Variants in SPTLC2 observed in about 807,000 individuals in gnomAD.
SPTLC2 encodes serine palmitoyltransferase 2.
SPTLC2 carries 21 observed loss-of-function variants against 62.0 expected under a neutral mutation model. The observed-to-expected ratio is 0.34, with a 90% CI of 0.24 to 0.49. The LOEUF is 0.49. Ranked by LOEUF, SPTLC2 falls within the 20% of genes least tolerant of loss-of-function variation. SPTLC2 has a pLI of 0.99. For synonymous variants in SPTLC2, 261 were observed against 261.8 expected (o/e 1.00, Z 0.03); for missense variants, 511 against 713.0 (o/e 0.72, Z 3.23).
chr14:77,514,429 G>A (rs924253437), intron 11 of SPTLC2, among the ~76,000 whole-genome samples: 4 of 152,090 alleles, frequency 2.6e-5, no homozygotes, highest in African/African-American at 4.8e-5. Flanking sequence ...TCTTGTGTGG[G>A]GTATTTGGGT....
chr14:77,512,959 A>T (rs1318402017), intron 11 of SPTLC2, among the ~76,000 whole-genome samples: 1 of 134,728 alleles, frequency 7.4e-6, no homozygotes, highest in African/African-American at 2.8e-5. Flanking sequence ...CAAGTGATCC[A>T]CCACCTTGGC....
chr14:77,562,376 G>C lies in SPTLC2; in HGVS notation c.850+20C>G, dbSNP rs1320567473. On this transcript the variant is annotated intron_variant, in intron 6 of 11. Coordinates refer to ENST00000216484, the MANE Select transcript of SPTLC2 (RefSeq NM_004863.4). Reference sequence around the variant, plus strand: ...GAATAGCAAAACCAAGGCCAGCAGTGAATTCTTCAGCAAACTCACTGTTGT... The same window carrying C: ...GAATAGCAAAACCAAGGCCAGCAGTCAATTCTTCAGCAAACTCACTGTTGT... 4 of 1,610,658 alleles carry C rather than the reference G, an allele frequency of 2.5e-6. No homozygotes were observed. The African/African-American group carries it at 4.0e-5, about 16-fold the overall frequency.
Position 77,579,056 on chromosome 14 carries a change from G to A in SPTLC2, c.381C>T (p.Tyr127=). The change falls in exon 3 of 12, where the codon TAC becomes TAT. Residue 127 remains tyrosine (Y), a synonymous_variant. Transcript: ENST00000216484. ...GATTCCAGTTGTCTCTTATCCTCAT[G>A]TACAGATTCCTTGTATAAAAGTTTT... The part of the protein sequence containing the change: ...DFENFYTRNL[Y]MRIRDNWNRP... 6.2e-7 allele frequency: 1 copy of A among 1,614,078 alleles called. No homozygotes were observed.
chr14:77,610,917 A>ATT (rs200145456), intron 1 of SPTLC2, among the ~76,000 whole-genome samples: 52 of 138,148 alleles, frequency 3.8e-4, no homozygotes, highest in East Asian at 6.5e-4. Context: ...ATATATATAT[A>ATT]TTTTTATTTA....
At position 77,562,486 on chromosome 14, in the gene SPTLC2, A is replaced by C. The variant is rs767182140; in HGVS notation, c.760T>G (p.Cys254Gly). Reference sequence around the variant, plus strand: ...TTCAGTTCATCACTCAGAATCAGGCAACCCTGCAACATCACAGGAACAGAA... The same window carrying C: ...TTCAGTTCATCACTCAGAATCAGGCCACCCTGCAACATCACAGGAACAGAA... Reference protein sequence around the residue: ...MNIPALVGKGCLILSDELNHA... With the variant: ...MNIPALVGKGGLILSDELNHA... Residue 254 changes from cysteine (C) to glycine (G), a missense_variant, in exon 6 of 12, where the codon TGC becomes GGC. Physicochemically the swap from Cys to Gly is radical, Grantham distance 159 (BLOSUM62 -3). Coordinates refer to ENST00000216484, the MANE Select transcript of SPTLC2 (RefSeq NM_004863.4). 1.2e-6 allele frequency: 2 copies of C among 1,613,902 alleles called. No individual in the cohort carries two copies. The highest frequency in any genetic ancestry group is 2.2e-5 in the South Asian group (2 of 91,072).
chr14:77,528,501 G>T (rs1386757468), intron 9 of SPTLC2, among the ~76,000 whole-genome samples: 1 of 152,138 alleles, frequency 6.6e-6, no homozygotes, highest in African/African-American at 2.4e-5. Flanking sequence ...AAAGTGCTGG[G>T]ATTACAGGCA....
At chr14:77,567,550 C>T (rs2079652276) in intron 5 of SPTLC2, among the ~76,000 whole-genome samples, 2 of 152,208 alleles carry the variant, frequency 1.3e-5, no homozygotes, top group Non-Finnish European at 2.9e-5. Context: ...TCTTAATACT[C>T]CCTTATTATC....
At chr14:77,526,416 G>A (rs1161405096) in intron 9 of SPTLC2, among the ~76,000 whole-genome samples, 1 of 152,166 alleles carries the variant, frequency 6.6e-6, no homozygotes, top group Non-Finnish European at 1.5e-5. Context: ...GAAATATAAA[G>A]AGGTCAGAAT....
intron 1 of SPTLC2, among the ~76,000 whole-genome samples, chr14:77,607,296 TG>T (rs140938336): frequency 0.052 from 7,928 of 152,288 alleles, 220 homozygotes; most frequent in Middle Eastern, 0.12. Flanking sequence ...TCAACAGTCA[TG>T]GGAAAGCTAA....
chr14:77,526,344 A>G (rs1208506063), intron 9 of SPTLC2, among the ~76,000 whole-genome samples: 2 of 152,324 alleles, frequency 1.3e-5, no homozygotes, highest in East Asian at 3.9e-4. Flanking sequence ...AAAGTTTAGC[A>G]CTGTTTAAAA....
intron 1 of SPTLC2, among the ~76,000 whole-genome samples, chr14:77,602,513 C>T (rs574218780): frequency 4.0e-5 from 6 of 151,304 alleles, no homozygotes; most frequent in African/African-American, 9.7e-5. Context: ...CTGTGGGGCA[C>T]GAGAGAATTT....
intron 9 of SPTLC2, among the ~76,000 whole-genome samples, chr14:77,546,831 G>A (rs1411324703): frequency 6.6e-6 from 1 of 151,992 alleles, no homozygotes; most frequent in Non-Finnish European, 1.5e-5. Context: ...CTGTGTTCAA[G>A]CAATTCTCCT....
intron 2 of SPTLC2, among the ~76,000 whole-genome samples, chr14:77,583,864 G>A (rs900575819): frequency 6.6e-6 from 1 of 152,160 alleles, no homozygotes; most frequent in African/African-American, 2.4e-5. Context: ...AGTGACAATG[G>A]TAAAGTCAAG....
At chr14:77,571,843 T>C (rs1011991846) in intron 4 of SPTLC2, among the ~76,000 whole-genome samples, 8 of 152,054 alleles carry the variant, frequency 5.3e-5, no homozygotes, top group African/African-American at 1.9e-4. Context: ...CAGGCTGGAG[T>C]GCAGTGGCGC....
intron 9 of SPTLC2, chr14:77,547,674 G>A (rs950684961): frequency 6.6e-6 from 1 of 152,150 alleles, no homozygotes; most frequent in Non-Finnish European, 1.5e-5. Flanking sequence ...TTTCCAACCT[G>A]GGCCAATTCA....
At chr14:77,514,180 AAATAAT>A (rs1004272159) in intron 11 of SPTLC2, among the ~76,000 whole-genome samples, 6 of 152,254 alleles carry the variant, frequency 3.9e-5, no homozygotes, top group South Asian at 4.1e-4. Flanking sequence ...CCCTGCCTCA[AAATAAT>A]AATAATAAGA....
At chr14:77,595,392 T>C (rs535112979) in intron 2 of SPTLC2, among the ~76,000 whole-genome samples, 1 of 152,130 alleles carries the variant, frequency 6.6e-6, no homozygotes, top group South Asian at 2.1e-4. Context: ...AAATAAAAAA[T>C]GTTAAAAATG....
In SPTLC2 at chr14:77,579,059, C is replaced by T; in HGVS notation, c.378G>A (p.Leu126=). 3.1e-6 allele frequency: 5 copies of T among 1,614,114 alleles called. No individual in the cohort carries two copies. Among genetic ancestry groups the T allele is most frequent in the East Asian group, 2.2e-5 (1 of 44,866 alleles). The change falls in exon 3 of 12, where the codon CTG becomes CTA. Residue 126 remains leucine (L), a synonymous_variant. Coordinates refer to ENST00000216484, the MANE Select transcript of SPTLC2 (RefSeq NM_004863.4). ...TCCAGTTGTCTCTTATCCTCATGTACAGATTCCTTGTATAAAAGTTTTCAA... is the reference window on the plus strand; with the variant it reads ...TCCAGTTGTCTCTTATCCTCATGTATAGATTCCTTGTATAAAAGTTTTCAA... ...QDFENFYTRN[L]YMRIRDNWNR... is the part of the protein sequence containing the mutation.
At chr14:77,616,207 G>T (rs1243936403) in intron 1 of SPTLC2, among the ~76,000 whole-genome samples, 1 of 152,172 alleles carries the variant, frequency 6.6e-6, no homozygotes, top group African/African-American at 2.4e-5. Flanking sequence ...GGAGCTCTGA[G>T]CAGAACCCAG....
Sources: allele counts gnomAD v4.1 joint callset (sites outside exome capture counted in the v4.1 genomes callset), GRCh38; gene constraint gnomAD v4.1.1; transcripts MANE v1.5; gene names NCBI Gene and HGNC (gene_info 2026-07-23, HGNC 2026-07-21).